The following VWC2L variants were observed in gnomAD, a reference collection of about 807,000 sequenced individuals.
The protein encoded by VWC2L is von Willebrand factor C domain containing 2 like.
Under a neutral mutation model 21.6 loss-of-function variants are expected in VWC2L, and 10 were observed. The observed-to-expected ratio is 0.46, with a 90% confidence interval of 0.29 to 0.78. VWC2L has a LOEUF of 0.78. Among genes scored for constraint, VWC2L ranks in the 30% least tolerant of loss-of-function variants. VWC2L has a pLI of 0.10. For missense variants in VWC2L, 209 were observed against 277.1 expected (o/e 0.75, Z 1.74); for synonymous variants, 96 against 94.3 (o/e 1.02, Z -0.10).
At chr2:214,555,687 T>C (rs547570354) in intron 3 of VWC2L, among the ~76,000 whole-genome samples, 42 of 152,332 alleles carry the variant, frequency 2.8e-4, no homozygotes, top group African/African-American at 9.6e-4. Flanking sequence ...TTCTAAATGT[T>C]TCCTCTAAAT....
intron 3 of VWC2L, among the ~76,000 whole-genome samples, chr2:214,468,213 C>T (rs1176154117): frequency 6.6e-6 from 1 of 152,134 alleles, no homozygotes; most frequent in Admixed American, 6.5e-5. Flanking sequence ...GACGGAGTTT[C>T]ACCATGTTGG....
At chr2:214,424,106 T>C (rs886474256) in intron 2 of VWC2L, among the ~76,000 whole-genome samples, 8 of 152,196 alleles carry the variant, frequency 5.3e-5, no homozygotes, top group African/African-American at 1.7e-4. Context: ...CTTTCCATCT[T>C]AAATTCCAAT....
At chr2:214,431,434 T>C (rs898975895) in intron 2 of VWC2L, among the ~76,000 whole-genome samples, 1 of 152,206 alleles carries the variant, frequency 6.6e-6, no homozygotes, top group Non-Finnish European at 1.5e-5. Context: ...TTGCTTATTA[T>C]GAAAGAAATG....
intron 3 of VWC2L, among the ~76,000 whole-genome samples, chr2:214,440,220 T>C (rs1346413162): frequency 6.6e-6 from 1 of 152,068 alleles, no homozygotes; most frequent in East Asian, 1.9e-4. Flanking sequence ...ACAGAGTCTA[T>C]GTAAGACACA....
chr2:214,426,171 CAAAAAA>C (rs34411661), intron 2 of VWC2L, among the ~76,000 whole-genome samples: 72 of 69,960 alleles, frequency 1.0e-3, no homozygotes, highest in Admixed American at 2.1e-3. Context: ...GGCTTCGTCT[CAAAAAA>C]AAAAAAAAAA....
At chr2:214,453,107 G>T (rs1023418494) in intron 3 of VWC2L, among the ~76,000 whole-genome samples, 17 of 152,082 alleles carry the variant, frequency 1.1e-4, no homozygotes, top group African/African-American at 4.1e-4. Flanking sequence ...TTTATGAATT[G>T]TGCTTTTGGT....
At chr2:214,501,229 C>T (rs1574600486) in intron 3 of VWC2L, among the ~76,000 whole-genome samples, 2 of 152,226 alleles carry the variant, frequency 1.3e-5, no homozygotes, top group East Asian at 1.9e-4. Context: ...ATTTAACCAT[C>T]GGAAAAGCCA....
In VWC2L at chr2:214,454,598, C is replaced by CTTTTTT. The variant is rs34032234; in HGVS notation, c.520+17858_520+17863dup. On this transcript the variant is annotated intron_variant, in intron 3 of 3. Coordinates refer to ENST00000312504, the MANE Select transcript of VWC2L (RefSeq NM_001080500.4). ...ATACTGAATTACATTGATTGATTTTCTTTTTTTTTTTTTTTTTTTTTTTGA... is the reference window on the plus strand; with the variant it reads ...ATACTGAATTACATTGATTGATTTTCTTTTTTTTTTTTTTTTTTTTTTTTTTTTTGA... Among the ~76,000 whole-genome samples the CTTTTTT allele has an allele frequency of 4.1e-3, 262 of 64,156 alleles. 22 individuals are homozygous for CTTTTTT. Among genetic ancestry groups the CTTTTTT allele is most frequent in the South Asian group, 6.0e-3 (9 of 1,502 alleles). The allele number at this position is 64,156 out of a possible 152,430, so 42.1% of individuals were successfully genotyped here. A position where few individuals can be genotyped will look rare whatever the true frequency, so the allele number is the denominator to read the frequency against.
intron 3 of VWC2L, among the ~76,000 whole-genome samples, chr2:214,464,968 G>A (rs985696841): frequency 3.3e-5 from 5 of 152,114 alleles, no homozygotes; most frequent in African/African-American, 1.2e-4. Flanking sequence ...GTTCACTCAA[G>A]GTCCAAGGGC....
intron 3 of VWC2L, among the ~76,000 whole-genome samples, chr2:214,549,326 AG>A (rs1476096039): frequency 6.6e-6 from 1 of 152,230 alleles, no homozygotes; most frequent in African/African-American, 2.4e-5. Flanking sequence ...GCCATTTTTC[AG>A]CCTACCACAG....
intron 2 of VWC2L, among the ~76,000 whole-genome samples, chr2:214,435,365 C>T (rs1702663207): frequency 6.6e-6 from 1 of 152,140 alleles, no homozygotes; most frequent in African/African-American, 2.4e-5. Context: ...CCATACTTTA[C>T]CACAGATCCC....
intron 3 of VWC2L, among the ~76,000 whole-genome samples, chr2:214,565,633 AT>A (rs986125633): frequency 9.2e-5 from 14 of 152,276 alleles, no homozygotes; most frequent in African/African-American, 2.6e-4. Context: ...ATGTCTTGAC[AT>A]TTTTTTAATA....
At chr2:214,544,909 G>A (rs981846517) in intron 3 of VWC2L, among the ~76,000 whole-genome samples, 1 of 152,120 alleles carries the variant, frequency 6.6e-6, no homozygotes, top group African/African-American at 2.4e-5. Context: ...TATGTAGCTA[G>A]TAAGTACAAA....
At chr2:214,476,345 T>A (rs1688523375) in intron 3 of VWC2L, among the ~76,000 whole-genome samples, 1 of 152,214 alleles carries the variant, frequency 6.6e-6, no homozygotes, top group South Asian at 2.1e-4. Context: ...AGTATGAGGC[T>A]TATGGACCAC....
chr2:214,526,267 C>G (rs1467451384), intron 3 of VWC2L, among the ~76,000 whole-genome samples: 3 of 151,890 alleles, frequency 2.0e-5, no homozygotes, highest in Non-Finnish European at 4.4e-5. Flanking sequence ...GAAAAAAAGC[C>G]ATTTCTTATC....
At chr2:214,448,270 T>C (rs1250072453) in intron 3 of VWC2L, among the ~76,000 whole-genome samples, 1 of 152,230 alleles carries the variant, frequency 6.6e-6, no homozygotes, top group Non-Finnish European at 1.5e-5. Flanking sequence ...TGTTTGTGAA[T>C]AAATGAATCC....
intron 2 of VWC2L, among the ~76,000 whole-genome samples, chr2:214,418,400 TA>T (rs1559284583): frequency 6.6e-6 from 1 of 152,118 alleles, no homozygotes. Context: ...GAGGAAAAAG[TA>T]GGACTCCAAG....
intron 3 of VWC2L, among the ~76,000 whole-genome samples, chr2:214,478,559 A>G (rs147363038): frequency 3.0e-4 from 46 of 152,166 alleles, no homozygotes; most frequent in African/African-American, 8.4e-4. Flanking sequence ...AACTTGAATT[A>G]ACACAACCAG....
At chr2:214,486,883 G>A (rs1397249102) in intron 3 of VWC2L, among the ~76,000 whole-genome samples, 3 of 152,108 alleles carry the variant, frequency 2.0e-5, no homozygotes, top group Non-Finnish European at 4.4e-5. Context: ...TTAGTGTTAC[G>A]AGCTAAATTG....
Sources: allele counts gnomAD v4.1 joint callset (sites outside exome capture counted in the v4.1 genomes callset), GRCh38; gene constraint gnomAD v4.1.1; transcripts MANE v1.5; gene names NCBI Gene and HGNC (gene_info 2026-07-23, HGNC 2026-07-21).